The following CD24 variants were observed in gnomAD, a reference collection of about 807,000 sequenced individuals.
The protein encoded by CD24 is CD24 molecule.
Under a neutral mutation model 3.6 loss-of-function variants are expected in CD24, and 2 were observed. That is an observed-to-expected ratio of 0.56 (90% CI 0.23 to 1.77). CD24 has a LOEUF of 1.77. Ranked by LOEUF, CD24 falls within the 40% of genes most tolerant of loss-of-function variation. CD24 has a pLI of 0.18. For missense variants in CD24, 62 were observed against 93.6 expected (o/e 0.66, Z 1.39); for synonymous variants, 33 against 44.9 (o/e 0.74, Z 1.06).
chr6:106,974,691 C>G lies in CD24; in HGVS notation c.-45G>C. The G allele has an allele frequency of 1.3e-6, 2 of 1,482,998 alleles. No individual in the cohort carries two copies. Among genetic ancestry groups the G allele is most frequent in the Non-Finnish European group, 8.9e-7 (1 of 1,122,396 alleles). 91.9% of individuals were successfully genotyped at this position (1,482,998 alleles called of 1,614,324 possible). A position where few individuals can be genotyped will look rare whatever the true frequency, so the allele number is the denominator to read the frequency against. On this transcript the variant is annotated 5_prime_UTR_variant, in exon 1 of 2. Transcript: ENST00000606017. Reference sequence around the variant, plus strand: ...GGCGCGTCTAGCAGGATGCTGGGTGCTTGGAGAACCGCTGGCTCCGGGCGG... The same window carrying G: ...GGCGCGTCTAGCAGGATGCTGGGTGGTTGGAGAACCGCTGGCTCCGGGCGG...
At position 106,970,956 on chromosome 6, in the gene CD24, T is replaced by C. The variant is rs1403318716; in HGVS notation, c.*705A>G. The C allele has an allele frequency of 6.6e-6, 1 of 152,302 alleles. No homozygotes were observed. Among genetic ancestry groups the C allele is most frequent in the African/African-American group, 2.4e-5 (1 of 41,466 alleles). The allele number at this position is 152,302 out of a possible 1,614,324, so 9.4% of individuals were successfully genotyped here. Reference sequence around the variant, plus strand: ...TGCCTACCATTTGACTCAATATGGATAATCAAGAGTTGCTCAGGATGCTTG... The same window carrying C: ...TGCCTACCATTTGACTCAATATGGACAATCAAGAGTTGCTCAGGATGCTTG... On this transcript the variant is annotated 3_prime_UTR_variant, in exon 2 of 2. Transcript: ENST00000606017.
At chr6:106,975,670 G>C (rs1393850213), upstream of CD24, 1 of 152,292 alleles carries the variant, frequency 6.6e-6, no homozygotes, top group African/African-American at 2.4e-5. Flanking sequence ...GGCGGGCGAG[G>C]AGGAGACGGC....
intron 1 of CD24, chr6:106,973,952 G>A (rs1273781388): frequency 7.5e-6 from 3 of 398,408 alleles, no homozygotes; most frequent in African/African-American, 4.1e-5. Flanking sequence ...ACAAGCGATG[G>A]ACGTGAAAGG....
upstream of CD24, chr6:106,975,626 C>G (rs1773095863): frequency 1.3e-5 from 2 of 152,260 alleles, no homozygotes; most frequent in African/African-American, 4.8e-5. Flanking sequence ...ACGCTGCAAA[C>G]TACAGGGTTT....
intron 1 of CD24, 23 bp from the exon 2 acceptor site, chr6:106,971,857 T>C: frequency 1.4e-6 from 2 of 1,471,554 alleles, no homozygotes; most frequent in East Asian, 2.5e-5. Context: ...AAAAGTTACA[T>C]GGATACATTT....
intron 1 of CD24, 64 bp downstream of exon 1, chr6:106,974,514 G>T: frequency 1.0e-6 from 1 of 963,558 alleles, no homozygotes; most frequent in Non-Finnish European, 1.4e-6. Context: ...CCGGGACCGG[G>T]TCCATCTCCC....
upstream of CD24, chr6:106,975,155 C>T (rs966541479): frequency 6.6e-6 from 1 of 152,134 alleles, no homozygotes; most frequent in African/African-American, 2.4e-5. Flanking sequence ...AAAGTCCGCG[C>T]CTCCGCTGCG....
chr6:106,971,691 G>C lies in CD24; in HGVS notation c.213C>G (p.Val71=). ...AGTAGAGATGCAGAAGAGAGAGTGA[G>C]ACCACGAAGAGACTGGCTGTTGACT... ...ALQSTASLFV[V]SLSLLHLYS Residue 71 remains valine (V), a synonymous_variant, in exon 2 of 2, where the codon GTC becomes GTG. Coordinates refer to ENST00000606017, the MANE Select transcript of CD24 (RefSeq NM_001359084.1). 6.5e-7 allele frequency: 1 copy of C among 1,547,192 alleles called. No individual in the cohort carries two copies. The highest frequency in any genetic ancestry group is 1.2e-5 in the South Asian group (1 of 83,806).
At position 106,969,912 on chromosome 6, in the gene CD24, C is replaced by A. The variant is rs1329477403; in HGVS notation, c.*1749G>T. Reference sequence around the variant, plus strand: ...CATAAGAAGTTACTATGAATCAAAGCGTAAATACACAAACACAATATACAA... The same window carrying A: ...CATAAGAAGTTACTATGAATCAAAGAGTAAATACACAAACACAATATACAA... On this transcript the variant is annotated 3_prime_UTR_variant, in exon 2 of 2. Coordinates refer to ENST00000606017, the MANE Select transcript of CD24 (RefSeq NM_001359084.1). 2 of 152,410 alleles carry A rather than the reference C, an allele frequency of 1.3e-5. No individual in the cohort carries two copies. The highest frequency in any genetic ancestry group is 4.8e-5 in the African/African-American group (2 of 41,384). The allele number at this position is 152,410 out of a possible 1,614,324, so 9.4% of individuals were successfully genotyped here.
rs1293703817 is a variant in CD24, at chr6:106,973,837, C to T, written c.69+741G>A. The T allele has an allele frequency of 2.8e-5, 11 of 398,418 alleles. No homozygotes were observed. In the East Asian group the frequency reaches 3.9e-4, roughly 14 times the overall value. 24.7% of individuals were successfully genotyped at this position (398,418 alleles called of 1,614,324 possible). A position where few individuals can be genotyped will look rare whatever the true frequency, so the allele number is the denominator to read the frequency against. ...TCTAGGGAGACCGCGCTGGTAGCGGCGACCCGAACAAAGCCTGGCGGGGAC... is the reference window on the plus strand; with the variant it reads ...TCTAGGGAGACCGCGCTGGTAGCGGTGACCCGAACAAAGCCTGGCGGGGAC... On this transcript the variant is annotated intron_variant, in intron 1 of 1. Transcript: ENST00000606017.
upstream of CD24, among the ~76,000 whole-genome samples, chr6:106,976,285 CCA>C (rs2114903912): frequency 6.6e-6 from 1 of 152,300 alleles, no homozygotes; most frequent in Admixed American, 6.5e-5. Flanking sequence ...TTAAAGTAAA[CCA>C]CAGAGTAGTA....
At chr6:106,973,042 C>T (rs1228896623) in intron 1 of CD24, among the ~76,000 whole-genome samples, 1 of 152,188 alleles carries the variant, frequency 6.6e-6, no homozygotes, top group Non-Finnish European at 1.5e-5. Flanking sequence ...GGAAACGGCA[C>T]TCCCAATAAA....
rs1426877148 is a variant in CD24, at chr6:106,970,338, G to C, written c.*1323C>G. 1.3e-5 allele frequency: 2 copies of C among 152,514 alleles called. No homozygotes were observed. The highest frequency in any genetic ancestry group is 1.3e-4 in the Admixed American group (2 of 15,258). 9.4% of individuals were successfully genotyped at this position (152,514 alleles called of 1,614,324 possible). A position where few individuals can be genotyped will look rare whatever the true frequency, so the allele number is the denominator to read the frequency against. ...AAGAAAAAAAATGTATATACAGAAAGAGTATAAAAGTTTGTGAATTTAATG... is the reference window on the plus strand; with the variant it reads ...AAGAAAAAAAATGTATATACAGAAACAGTATAAAAGTTTGTGAATTTAATG... On this transcript the variant is annotated 3_prime_UTR_variant, in exon 2 of 2. Coordinates refer to ENST00000606017, the MANE Select transcript of CD24 (RefSeq NM_001359084.1).
rs1357079322 is a variant in CD24 at position 106,970,114 on chromosome 6, G to C, written c.*1547C>G. ...AGATTACTGGAACATCTAAGCATCAGTGTGTGACCATGCGAACAAAAGACT... is the reference window on the plus strand; with the variant it reads ...AGATTACTGGAACATCTAAGCATCACTGTGTGACCATGCGAACAAAAGACT... On this transcript the variant is annotated 3_prime_UTR_variant, in exon 2 of 2. Transcript: ENST00000606017. 1 of 152,608 alleles carries C rather than the reference G, an allele frequency of 6.6e-6. No homozygotes were observed. The highest frequency in any genetic ancestry group is 1.5e-5 in the Non-Finnish European group (1 of 68,044). The allele number at this position is 152,608 out of a possible 1,614,324, so 9.5% of individuals were successfully genotyped here.
rs1772943921 is a variant in CD24 at position 106,970,505 on chromosome 6, A to C, written c.*1156T>G. 6.6e-6 allele frequency: 1 copy of C among 152,626 alleles called. No individual in the cohort carries two copies. The highest frequency in any genetic ancestry group is 2.4e-5 in the African/African-American group (1 of 41,470). 9.5% of individuals were successfully genotyped at this position (152,626 alleles called of 1,614,324 possible). A position where few individuals can be genotyped will look rare whatever the true frequency, so the allele number is the denominator to read the frequency against. On this transcript the variant is annotated 3_prime_UTR_variant, in exon 2 of 2. Coordinates refer to ENST00000606017, the MANE Select transcript of CD24 (RefSeq NM_001359084.1). Reference sequence around the variant, plus strand: ...TTAAATTGTAAAAAGTATTCAACATATGCAGAAATAAAAAGCATTTTGATG... The same window carrying C: ...TTAAATTGTAAAAAGTATTCAACATCTGCAGAAATAAAAAGCATTTTGATG...
intron 1 of CD24, among the ~76,000 whole-genome samples, chr6:106,972,170 T>C (rs1021386405): frequency 1.3e-3 from 200 of 152,340 alleles, no homozygotes; most frequent in African/African-American, 4.5e-3. Flanking sequence ...CTTAATGGCA[T>C]TGCAATAAGG....
chr6:106,971,605 T>C lies in CD24; in HGVS notation c.*56A>G. ...GCCACATTGGACTTCCAGACGCCAT[T>C]TGGATTGGGTTTAGAAGATGGGGAA... On this transcript the variant is annotated 3_prime_UTR_variant, in exon 2 of 2. Coordinates refer to ENST00000606017, the MANE Select transcript of CD24 (RefSeq NM_001359084.1). The C allele has an allele frequency of 6.2e-6, 9 of 1,462,188 alleles. No individual in the cohort carries two copies. Among genetic ancestry groups the C allele is most frequent in the Non-Finnish European group, 8.3e-6 (9 of 1,080,282 alleles). 90.6% of individuals were successfully genotyped at this position (1,462,188 alleles called of 1,614,324 possible).
In CD24 at chr6:106,974,543, C is replaced by G. The variant is rs1354582323; in HGVS notation, c.69+35G>C. 9.1e-6 allele frequency: 12 copies of G among 1,315,060 alleles called. No homozygotes were observed. In the African/African-American group the frequency reaches 1.9e-4, roughly 21 times the overall value. 81.5% of individuals were successfully genotyped at this position (1,315,060 alleles called of 1,614,324 possible). The stretch of plus-strand genomic sequence containing the variant: ...ATCTCCCCTGCCCCCACCCCGGGAA[C>G]GGCCCTCGAGCCCCGCCGGGCGCCA... On this transcript the variant is annotated intron_variant, in intron 1 of 1. Transcript: ENST00000606017.
At chr6:106,973,860 G>A in intron 1 of CD24, 1 of 398,574 alleles carries the variant, frequency 2.5e-6, no homozygotes, top group Non-Finnish European at 4.4e-6. Flanking sequence ...GCCTGGCGGG[G>A]ACTCGGGACA....
Sources: allele counts gnomAD v4.1 joint callset (sites outside exome capture counted in the v4.1 genomes callset), GRCh38; gene constraint gnomAD v4.1.1; transcripts MANE v1.5; gene names NCBI Gene and HGNC (gene_info 2026-07-23, HGNC 2026-07-21).